C8orf74: variants seen among roughly 807,000 people sequenced by gnomAD.
C8orf74 encodes uncharacterized protein C8orf74.
In C8orf74, 29 loss-of-function variants were observed where a neutral mutation model predicts 22.2. The ratio of observed to expected loss-of-function variants is 1.31; its 90% CI spans 0.97 to 1.78. The LOEUF (loss-of-function observed/expected upper bound fraction) is 1.78, where lower values mean the gene tolerates loss of function less well. Among genes scored for constraint, C8orf74 ranks in the 40% most tolerant of loss-of-function variants. The probability of loss-of-function intolerance (pLI) is 0.00; values close to 1 mark genes in which losing one functional copy is unlikely to be tolerated. For synonymous variants in C8orf74, 255 were observed against 163.1 expected (o/e 1.56, Z -4.30); for missense variants, 515 against 369.9 (o/e 1.39, Z -3.22).
At chr8:10,686,456 T>C (rs1563159566) in intron 2 of C8orf74, 1 of 152,326 alleles carries the variant, frequency 6.6e-6, no homozygotes, top group Non-Finnish European at 1.5e-5. Context: ...TCCTGAGAGC[T>C]TAGCACTGGG....
chr8:10,694,889 AGAATGGATGGAC>A (rs1174655459), intron 2 of C8orf74, among the ~76,000 whole-genome samples: 62 of 152,104 alleles, frequency 4.1e-4, no homozygotes, highest in African/African-American at 1.3e-3. Flanking sequence ...AATGGATGGA[AGAATGGATGGAC>A]GAATGGATGG....
At chr8:10,684,315 G>A (rs1348907532) in intron 2 of C8orf74, among the ~76,000 whole-genome samples, 2 of 152,216 alleles carry the variant, frequency 1.3e-5, no homozygotes, top group Non-Finnish European at 2.9e-5. Flanking sequence ...TCTTTCACAT[G>A]AATCATTCTA....
At chr8:10,684,497 T>A (rs28488675) in intron 2 of C8orf74, among the ~76,000 whole-genome samples, 10 of 152,076 alleles carry the variant, frequency 6.6e-5, no homozygotes, top group Non-Finnish European at 1.3e-4. Context: ...CCAAAAAAGA[T>A]GTCTTTAAAA....
At chr8:10,689,885 G>T (rs769715135) in intron 2 of C8orf74, 1 of 152,172 alleles carries the variant, frequency 6.6e-6, no homozygotes, top group Admixed American at 6.5e-5. Flanking sequence ...AAGAGGAGGG[G>T]TTGGTCTTAC....
chr8:10,699,182 C>G (rs1379528274), intron 3 of C8orf74, among the ~76,000 whole-genome samples: 1 of 152,202 alleles, frequency 6.6e-6, no homozygotes, highest in Admixed American at 6.5e-5. Flanking sequence ...CTGCACTTCC[C>G]ACAGCTGTTC....
intron 2 of C8orf74, chr8:10,690,826 T>G: frequency 2.3e-6 from 1 of 444,354 alleles, no homozygotes; most frequent in Non-Finnish European, 4.5e-6. Flanking sequence ...GCCCTTCCCC[T>G]CCTCATTCCT....
At chr8:10,672,745 G>C (rs1798942162) in intron 1 of C8orf74, 32 bp downstream of exon 1, 1 of 1,544,846 alleles carries the variant, frequency 6.5e-7, no homozygotes, top group Non-Finnish European at 8.8e-7. Context: ...CTTTTAAACA[G>C]AAACTGGCTC....
At chr8:10,678,816 C>T (rs973537608) in intron 2 of C8orf74, among the ~76,000 whole-genome samples, 2 of 152,156 alleles carry the variant, frequency 1.3e-5, no homozygotes, top group African/African-American at 2.4e-5. Context: ...AGGCCTCCTG[C>T]ACCTCGGCTC....
Position 10,700,345 on chromosome 8 carries a change from G to A in C8orf74, c.759G>A (p.Gln253=). 6.2e-7 allele frequency: 1 copy of A among 1,613,822 alleles called. No individual in the cohort carries two copies. Among genetic ancestry groups the A allele is most frequent in the Non-Finnish European group, 8.5e-7 (1 of 1,179,778 alleles). The change falls in exon 4 of 4, where the codon CAG becomes CAA. Residue 253 remains glutamine, a synonymous_variant. Transcript: ENST00000304519. ...NTFAILDLKL[Q]KKTLNLNAPT... ...TCGCCATCTTGGACCTGAAGCTTCA[G>A]AAGAAGACTCTGAACCTCAACGCCC...
intron 2 of C8orf74, chr8:10,686,788 G>A (rs1285589021): frequency 5.9e-6 from 1 of 170,850 alleles, no homozygotes; most frequent in Non-Finnish European, 1.3e-5. Flanking sequence ...CCACAATAGT[G>A]GGGAGAAAGA....
At position 10,697,678 on chromosome 8, in the gene C8orf74, G is replaced by T. The variant is rs770287247; in HGVS notation, c.321G>T (p.Leu107=). The change falls in exon 3 of 4, where the codon CTG becomes CTT. Residue 107 remains leucine, a synonymous_variant. Coordinates refer to ENST00000304519, the MANE Select transcript of C8orf74 (RefSeq NM_001040032.2). ...GGGGCCATTTCAACACCACCCACCT[G>T]CTGGCCCTCTGTGACTACTTCCACC... is the stretch of plus-strand genomic sequence containing the variant. ...DYRGHFNTTH[L]LALCDYFHHT... 9.3e-6 allele frequency: 15 copies of T among 1,613,966 alleles called. No homozygotes were observed. The highest frequency in any genetic ancestry group is 1.3e-5 in the Non-Finnish European group (15 of 1,179,858).
At chr8:10,679,711 T>C (rs1446852508) in intron 2 of C8orf74, among the ~76,000 whole-genome samples, 2 of 152,106 alleles carry the variant, frequency 1.3e-5, no homozygotes, top group East Asian at 3.9e-4. Flanking sequence ...CCCACCTGCG[T>C]TTCTGCAGCT....
At position 10,672,723 on chromosome 8, in the gene C8orf74, G is replaced by T. The variant is rs1378268681; in HGVS notation, c.48+10G>T. 2 of 1,555,166 alleles carry T rather than the reference G, an allele frequency of 1.3e-6. No individual in the cohort carries two copies. Among genetic ancestry groups the T allele is most frequent in the East Asian group, 4.8e-5 (2 of 41,288 alleles). ...AGTCTTCCAACTTCAGGTGAAGGAA[G>T]AGAAAATGTGGCTTTTAAACAGAAA... On this transcript the variant is annotated intron_variant, in intron 1 of 3. Transcript: ENST00000304519.
chr8:10,697,925 C>G lies in C8orf74; in HGVS notation c.568C>G (p.Arg190Gly), dbSNP rs768432725. The G allele has an allele frequency of 5.6e-6, 9 of 1,594,978 alleles. No individual in the cohort carries two copies. In the East Asian group the frequency reaches 2.0e-4, roughly 36 times the overall value. Reference protein sequence around the residue: ...ADVLLLKEALRLERENSLQKA... With the variant: ...ADVLLLKEALGLERENSLQKA... ...CGTGCTGCTCCTGAAAGAGGCGCTG[C>G]GCCTGGAGCGGGAGAACTCGCTGCA... is the stretch of plus-strand genomic sequence containing the variant. Residue 190 changes from arginine (R) to glycine (G), a missense_variant, in exon 3 of 4, where the codon CGC (arginine) becomes GGC (glycine). Transcript: ENST00000304519.
chr8:10,673,563 G>A (rs1290351297), intron 1 of C8orf74: 1 of 153,434 alleles, frequency 6.5e-6, no homozygotes, highest in Non-Finnish European at 1.5e-5. Flanking sequence ...GTAGACTCAG[G>A]AAAGTCAAAT....
chr8:10,681,277 T>A (rs1339902481), intron 2 of C8orf74, among the ~76,000 whole-genome samples: 1 of 152,158 alleles, frequency 6.6e-6, no homozygotes, highest in Non-Finnish European at 1.5e-5. Context: ...AGTCCTTTCC[T>A]TGTGCCTTCT....
At chr8:10,677,210 T>C (rs1324609020) in intron 2 of C8orf74, among the ~76,000 whole-genome samples, 2 of 152,232 alleles carry the variant, frequency 1.3e-5, no homozygotes, top group African/African-American at 4.8e-5. Flanking sequence ...ACCACACTCA[T>C]CATTAGGAAG....
Position 10,674,773 on chromosome 8 carries a change from G to A in C8orf74, c.176G>A (p.Gly59Asp). The change falls in exon 2 of 4, where the codon GGC becomes GAC. Residue 59 changes from glycine to aspartate, a missense_variant. Coordinates refer to ENST00000304519, the MANE Select transcript of C8orf74 (RefSeq NM_001040032.2). ...YESIIFAVGKGFPWVEVAQVV... is the reference protein window; with the variant it reads ...YESIIFAVGKDFPWVEVAQVV... ...AGCATCATCTTTGCAGTGGGCAAAG[G>A]CTTCCCATGGGTGGAGGTGGCCCAG... 1 of 1,607,114 alleles carries A rather than the reference G, an allele frequency of 6.2e-7. No homozygotes were observed. The highest frequency in any genetic ancestry group is 2.2e-5 in the East Asian group (1 of 44,666).
chr8:10,698,150 C>A (rs1301902794), intron 3 of C8orf74, 145 bp downstream of exon 3: 1 of 770,838 alleles, frequency 1.3e-6, no homozygotes, highest in Admixed American at 3.4e-5. Context: ...CTACCACGAG[C>A]TTCGCGGTAG....
Sources: gnomAD v4.1 joint callset for allele counts (sites outside exome capture counted in the v4.1 genomes callset) on GRCh38, gnomAD v4.1.1 for gene constraint, MANE v1.5 for transcripts, NCBI Gene and HGNC (gene_info 2026-07-23, HGNC 2026-07-21) for gene names.